The following ADORA2B variants were observed in gnomAD, a reference collection of about 807,000 sequenced individuals.
The protein encoded by ADORA2B is adenosine A2b receptor.
In ADORA2B, 18 loss-of-function variants were observed where a neutral mutation model predicts 20.8. The ratio of observed to expected loss-of-function variants is 0.87; its 90% CI spans 0.60 to 1.29. The LOEUF (loss-of-function observed/expected upper bound fraction) is 1.29. ADORA2B is among the 50% of genes most tolerant of loss of function. ADORA2B has a pLI of 0.00. For synonymous variants in ADORA2B, 179 were observed against 178.3 expected (o/e 1.00, Z -0.03); for missense variants, 441 against 422.7 (o/e 1.04, Z -0.38).
chr17:15,880,232 G>A, the ADORA2B span, among the ~76,000 whole-genome samples: 4 of 137,508 alleles, frequency 2.9e-5, no homozygotes, highest in East Asian at 2.0e-4. Flanking sequence ...ACTGTGGTTT[G>A]TGTAAAAAGC....
intron 1 of ADORA2B, among the ~76,000 whole-genome samples, chr17:15,947,877 T>A (rs1275252024): frequency 6.6e-6 from 1 of 152,138 alleles, no homozygotes; most frequent in African/African-American, 2.4e-5. Context: ...ACCAGGGACA[T>A]TTGGGTCCAG....
chr17:15,888,844 ATATATATTTTTTTTTTTTTT>A, the ADORA2B span, among the ~76,000 whole-genome samples: 8 of 16,938 alleles, frequency 4.7e-4, no homozygotes, highest in African/African-American at 2.5e-3. Flanking sequence ...ATATATATAT[ATATATATTTTTTTTTTTTTT>A]TTTTTTTTTT....
intron 1 of ADORA2B, among the ~76,000 whole-genome samples, chr17:15,964,363 T>C (rs1970074124): frequency 6.6e-6 from 1 of 152,092 alleles, no homozygotes; most frequent in Non-Finnish European, 1.5e-5. Flanking sequence ...TCCCAGCACT[T>C]TGGGAGGCCA....
At chr17:15,861,612 C>G in the ADORA2B span, among the ~76,000 whole-genome samples, 1 of 152,218 alleles carries the variant, frequency 6.6e-6, no homozygotes, top group East Asian at 1.9e-4. Flanking sequence ...ATTAGAGAGG[C>G]ATTTTGAAAT....
At chr17:15,916,818 T>C in the ADORA2B span, among the ~76,000 whole-genome samples, 570 of 152,294 alleles carry the variant, frequency 3.7e-3, 4 homozygotes, top group African/African-American at 0.013. Flanking sequence ...ACCAGTGAAT[T>C]AGGTCATTGC....
Position 15,945,470 on chromosome 17 carries a change from C to T in ADORA2B, c.222C>T (p.Asp74=), listed in dbSNP as rs540716544. The T allele has an allele frequency of 1.1e-5, 17 of 1,613,360 alleles. No homozygotes were observed. The East Asian group carries it at 3.3e-4, about 32-fold the overall frequency. Residue 74 remains aspartate (D), a synonymous_variant, in exon 1 of 2, where the codon GAC becomes GAT. Coordinates refer to ENST00000304222, the MANE Select transcript of ADORA2B (RefSeq NM_000676.4). Reference sequence around the variant, plus strand: ...CCATCAGCCTGGGCTTCTGCACTGACTTCTACGGCTGCCTCTTCCTCGCCT... The same window carrying T: ...CCATCAGCCTGGGCTTCTGCACTGATTTCTACGGCTGCCTCTTCCTCGCCT... The part of the protein sequence containing the change: ...AITISLGFCT[D]FYGCLFLACF...
chr17:15,861,407 G>A, the ADORA2B span, among the ~76,000 whole-genome samples: 3 of 152,130 alleles, frequency 2.0e-5, no homozygotes, highest in Non-Finnish European at 2.9e-5. Context: ...AGGTGACTAG[G>A]ACATTCCAGC....
the ADORA2B span, among the ~76,000 whole-genome samples, chr17:15,927,046 A>T: frequency 2.0e-5 from 3 of 152,126 alleles, no homozygotes; most frequent in Admixed American, 6.6e-5. Context: ...GAGGCACAAG[A>T]GTTAAAAATA....
At chr17:15,893,826 A>G in the ADORA2B span, among the ~76,000 whole-genome samples, 5 of 152,194 alleles carry the variant, frequency 3.3e-5, no homozygotes, top group Admixed American at 3.3e-4. Flanking sequence ...TTATTTTACT[A>G]CAATCACCAT....
At chr17:15,907,446 G>A in the ADORA2B span, among the ~76,000 whole-genome samples, 1 of 152,044 alleles carries the variant, frequency 6.6e-6, no homozygotes, top group South Asian at 2.1e-4. Flanking sequence ...CTATTCTCTT[G>A]TAACCACAGA....
intron 1 of ADORA2B, among the ~76,000 whole-genome samples, chr17:15,968,945 C>G (rs546559030): frequency 6.6e-6 from 1 of 152,296 alleles, no homozygotes; most frequent in Non-Finnish European, 1.5e-5. Flanking sequence ...TGCGGTTCCT[C>G]CCCTGCCTCA....
the ADORA2B span, among the ~76,000 whole-genome samples, chr17:15,884,064 G>A: frequency 3.9e-4 from 60 of 152,212 alleles, no homozygotes; most frequent in Non-Finnish European, 7.5e-4. Flanking sequence ...TCACACTCTA[G>A]TAAGGGTCAG....
chr17:15,881,671 C>G, the ADORA2B span, among the ~76,000 whole-genome samples: 1 of 152,242 alleles, frequency 6.6e-6, no homozygotes, highest in Admixed American at 6.5e-5. Context: ...GACGTGGACT[C>G]ACACCGCATG....
the ADORA2B span, among the ~76,000 whole-genome samples, chr17:15,925,751 C>T: frequency 2.6e-5 from 4 of 152,038 alleles, no homozygotes; most frequent in Admixed American, 6.6e-5. Flanking sequence ...GGGTGGATCA[C>T]GAGGTCAGGA....
At position 15,954,136 on chromosome 17, in the gene ADORA2B, G is replaced by A. The variant is rs372121863; in HGVS notation, c.335+8553G>A. Among the ~76,000 whole-genome samples, 18 of 151,878 alleles carry A rather than the reference G, an allele frequency of 1.2e-4. No homozygotes were observed. The East Asian group carries it at 3.3e-3, about 28-fold the overall frequency. On this transcript the variant is annotated intron_variant, in intron 1 of 1. Coordinates refer to ENST00000304222, the MANE Select transcript of ADORA2B (RefSeq NM_000676.4). ...TGGGATTACAGGCACGTGCCACCAC[G>A]CCTGGCTAACTTTTGTATTTTTAGT...
At chr17:15,923,206 A>ATTCTTTC in the ADORA2B span, among the ~76,000 whole-genome samples, 4 of 113,528 alleles carry the variant, frequency 3.5e-5, no homozygotes, top group African/African-American at 1.4e-4. Flanking sequence ...TCTTTTTTTA[A>ATTCTTTC]TTTTTTTTTT....
chr17:15,878,373 G>C, the ADORA2B span, among the ~76,000 whole-genome samples: 68,738 of 151,968 alleles, frequency 0.45, 17,214 homozygotes, highest in African/African-American at 0.67. Flanking sequence ...TGGGTCTGGT[G>C]CTCTGCCACA....
intron 1 of ADORA2B, among the ~76,000 whole-genome samples, chr17:15,960,226 G>A (rs987468567): frequency 2.0e-5 from 3 of 151,276 alleles, no homozygotes; most frequent in African/African-American, 7.3e-5. Context: ...TATTAGATTG[G>A]TGCAAAAGTA....
At chr17:15,898,025 C>G in the ADORA2B span, among the ~76,000 whole-genome samples, 21 of 152,214 alleles carry the variant, frequency 1.4e-4, no homozygotes, top group African/African-American at 5.1e-4. Flanking sequence ...CATAGTCACA[C>G]AAGCAAAAAA....
Sources: gnomAD v4.1 joint callset for allele counts (sites outside exome capture counted in the v4.1 genomes callset) on GRCh38, gnomAD v4.1.1 for gene constraint, MANE v1.5 for transcripts, NCBI Gene and HGNC (gene_info 2026-07-23, HGNC 2026-07-21) for gene names.